The following GLRA2 variants were observed in gnomAD, a reference collection of about 807,000 sequenced individuals.
GLRA2 encodes glycine receptor subunit alpha-2.
A neutral mutation model predicts 31.6 loss-of-function variants in GLRA2; 11 were observed. That is an observed-to-expected ratio of 0.35 (90% CI 0.22 to 0.58). The LOEUF is 0.58. Among genes scored for constraint, GLRA2 ranks in the 20% least tolerant of loss-of-function variants. The pLI is 0.84. For synonymous variants in GLRA2, 132 were observed against 134.0 expected, an observed-to-expected ratio of 0.99 and a Z score of 0.10; for missense variants, 212 against 351.8, an observed-to-expected ratio of 0.60 and a Z score of 3.18.
intron 8 of GLRA2, among the ~76,000 whole-genome samples, chrX:14,692,403 A>G (rs2091374039): frequency 8.9e-6 from 1 of 112,090 alleles, no homozygotes; most frequent in African/African-American, 3.2e-5. Flanking sequence ...TTACGATGGT[A>G]TTTCAACACA....
At chrX:14,484,287 A>G in the GLRA2 span, among the ~76,000 whole-genome samples, 3 of 112,101 alleles carry the variant, frequency 2.7e-5, no homozygotes, top group South Asian at 1.1e-3. Flanking sequence ...CTAATGATGC[A>G]AATGGAAAAT....
chrX:14,574,311 A>G (rs765696686), intron 2 of GLRA2, 22 bp from the exon 3 acceptor site: 2 of 1,093,175 alleles, frequency 1.8e-6, no homozygotes, highest in Non-Finnish European at 2.5e-6. Context: ...GTCTATTGCA[A>G]TATTCTCATT....
In GLRA2 at chrX:14,690,581, T is replaced by C. The variant is rs940587536; in HGVS notation, c.931-129T>C. On this transcript the variant is annotated intron_variant, in intron 7 of 8. Coordinates refer to ENST00000218075, the MANE Select transcript of GLRA2 (RefSeq NM_002063.4). ...TTCTTAAGAAAACGCTGGAAAATCA[T>C]TGACCAAGGAAATTAGGTTATTTTG... is the stretch of plus-strand genomic sequence containing the variant. 4 of 465,091 alleles carry C rather than the reference T, an allele frequency of 8.6e-6. No homozygotes were observed. The Admixed American group carries it at 1.2e-4, about 13-fold the overall frequency. The allele number at this position is 465,091 out of a possible 1,213,427, so 38.3% of individuals were successfully genotyped here.
the GLRA2 span, among the ~76,000 whole-genome samples, chrX:14,452,657 G>C: frequency 9.0e-6 from 1 of 111,072 alleles, no homozygotes; most frequent in East Asian, 2.8e-4. Context: ...TACTTGATCT[G>C]AGCTTTGAAG....
At position 14,639,300 on chromosome X, in the gene GLRA2, T is replaced by G. The variant is rs776417976; in HGVS notation, c.930+30095T>G. Among the ~76,000 whole-genome samples, 5 of 111,411 alleles carry G rather than the reference T, an allele frequency of 4.5e-5. No homozygotes were observed. In the South Asian group the frequency reaches 1.1e-3, roughly 25 times the overall value. ...AATATGACACTGTAGACCTTATCCC[T>G]CATGAGGGCAGAGAACCATTGTGTA... On this transcript the variant is annotated intron_variant, in intron 7 of 8. Coordinates refer to ENST00000218075, the MANE Select transcript of GLRA2 (RefSeq NM_002063.4).
At chrX:14,510,588 A>G in the GLRA2 span, among the ~76,000 whole-genome samples, 1 of 111,120 alleles carries the variant, frequency 9.0e-6, no homozygotes, top group East Asian at 2.8e-4. Flanking sequence ...GTAGGACATA[A>G]CTGGAAAGTA....
chrX:14,525,349 C>G (rs1380868973), upstream of GLRA2, among the ~76,000 whole-genome samples: 1 of 110,877 alleles, frequency 9.0e-6, no homozygotes, highest in Non-Finnish European at 1.9e-5. Context: ...CAAATAAAAC[C>G]TTTTCAAAGC....
the GLRA2 span, among the ~76,000 whole-genome samples, chrX:14,449,174 G>A: frequency 8.9e-6 from 1 of 111,937 alleles, no homozygotes; most frequent in Non-Finnish European, 1.9e-5. Context: ...AATACTGAAA[G>A]TTGATAGAGA....
chrX:14,481,118 C>T, the GLRA2 span, among the ~76,000 whole-genome samples: 1 of 111,102 alleles, frequency 9.0e-6, no homozygotes, highest in Non-Finnish European at 1.9e-5. Flanking sequence ...CTAGGTATTT[C>T]ATTATTTGTG....
chrX:14,531,389 T>C (rs1203893277), intron 1 of GLRA2, among the ~76,000 whole-genome samples: 3 of 111,638 alleles, frequency 2.7e-5, no homozygotes, highest in Non-Finnish European at 3.8e-5. Flanking sequence ...TTAACCACTA[T>C]GTATTGTGAA....
intron 3 of GLRA2, among the ~76,000 whole-genome samples, chrX:14,575,898 T>C (rs7061908): frequency 0.016 from 1,741 of 111,471 alleles, 38 homozygotes; most frequent in African/African-American, 0.054. Flanking sequence ...TTGGTCCCCA[T>C]ATTATTTACT....
the GLRA2 span, among the ~76,000 whole-genome samples, chrX:14,472,128 A>G: frequency 1.8e-5 from 2 of 112,088 alleles, no homozygotes; most frequent in Non-Finnish European, 3.8e-5. Flanking sequence ...AGGTGACCAG[A>G]TCAACTTCAC....
chrX:14,716,953 T>C, intron 8 of GLRA2, among the ~76,000 whole-genome samples: 1 of 111,284 alleles, frequency 9.0e-6, no homozygotes, highest in Non-Finnish European at 1.9e-5. Flanking sequence ...CAGGCTAAAC[T>C]GAACCCCAAT....
chrX:14,619,623 T>C (rs894100356), intron 7 of GLRA2, among the ~76,000 whole-genome samples: 26 of 111,100 alleles, frequency 2.3e-4, no homozygotes, highest in Admixed American at 9.6e-5. Flanking sequence ...CAGCAAAGCC[T>C]GGTCATTACC....
At chrX:14,452,202 G>A in the GLRA2 span, among the ~76,000 whole-genome samples, 2 of 112,267 alleles carry the variant, frequency 1.8e-5, no homozygotes, top group African/African-American at 6.5e-5. Context: ...CCTTCCAGGT[G>A]ATTCCATTTA....
At chrX:14,508,922 C>T in the GLRA2 span, among the ~76,000 whole-genome samples, 1 of 111,370 alleles carries the variant, frequency 9.0e-6, no homozygotes, top group Non-Finnish European at 1.9e-5. Context: ...GAGATGACAC[C>T]AGAAACAAAT....
chrX:14,721,653 C>A (rs1460346732), intron 8 of GLRA2, among the ~76,000 whole-genome samples: 1 of 111,349 alleles, frequency 9.0e-6, no homozygotes, highest in African/African-American at 3.3e-5. Context: ...TACAGTCCCA[C>A]CCTGTATATG....
intron 4 of GLRA2, among the ~76,000 whole-genome samples, chrX:14,598,357 G>C (rs2090231443): frequency 8.9e-6 from 1 of 112,213 alleles, no homozygotes; most frequent in African/African-American, 3.2e-5. Context: ...GAGTTTCATT[G>C]GGAATGAACT....
intron 7 of GLRA2, among the ~76,000 whole-genome samples, chrX:14,662,760 T>TAA (rs2147149817): frequency 8.9e-6 from 1 of 111,931 alleles, no homozygotes; most frequent in Admixed American, 9.5e-5. Flanking sequence ...AGTTAACTTA[T>TAA]AAAAGGATTA....
Sources: gnomAD v4.1 joint callset for allele counts (sites outside exome capture counted in the v4.1 genomes callset) on GRCh38, gnomAD v4.1.1 for gene constraint, MANE v1.5 for transcripts, NCBI Gene and HGNC (gene_info 2026-07-23, HGNC 2026-07-21) for gene names.